The following CDC42SE2 variants were observed in gnomAD, a reference collection of about 807,000 sequenced individuals.
The protein encoded by CDC42SE2 is CDC42 small effector protein 2.
Under a neutral mutation model 11.5 loss-of-function variants are expected in CDC42SE2, and 3 were observed. The observed-to-expected ratio is 0.26, with a 90% CI of 0.12 to 0.67. The LOEUF is 0.67. CDC42SE2 is among the 30% of genes least tolerant of loss of function. The pLI is 0.80. For synonymous variants in CDC42SE2, 33 were observed against 34.8 expected, an observed-to-expected ratio of 0.95 and a Z score of 0.18; for missense variants, 82 against 106.8, an observed-to-expected ratio of 0.77 and a Z score of 1.02.
intron 2 of CDC42SE2, among the ~76,000 whole-genome samples, chr5:131,354,281 T>G (rs1749466433): frequency 1.3e-5 from 2 of 152,102 alleles, no homozygotes; most frequent in Non-Finnish European, 2.9e-5. Flanking sequence ...GATACATGTA[T>G]TATTTAACAA....
chr5:131,253,084 A>T (rs1375949857), intron 1 of CDC42SE2: 1 of 152,248 alleles, frequency 6.6e-6, no homozygotes, highest in South Asian at 2.1e-4. Flanking sequence ...CAGAGTCTGC[A>T]TGTGGCTGCA....
intron 3 of CDC42SE2, among the ~76,000 whole-genome samples, chr5:131,371,239 A>T (rs1336537405): frequency 6.6e-6 from 1 of 152,142 alleles, no homozygotes; most frequent in East Asian, 1.9e-4. Flanking sequence ...TTCAGTTTTC[A>T]TCCTCTCAAA....
intron 3 of CDC42SE2, among the ~76,000 whole-genome samples, chr5:131,372,573 G>C (rs927713530): frequency 6.6e-6 from 1 of 152,032 alleles, no homozygotes; most frequent in Non-Finnish European, 1.5e-5. Context: ...AATTAGCTGG[G>C]TGTGGTGGCA....
At chr5:131,318,593 A>G (rs1758098402) in intron 2 of CDC42SE2, among the ~76,000 whole-genome samples, 1 of 152,216 alleles carries the variant, frequency 6.6e-6, no homozygotes, top group South Asian at 2.1e-4. Flanking sequence ...AGAAGCCAAC[A>G]CTGAGTGAGT....
intron 2 of CDC42SE2, among the ~76,000 whole-genome samples, chr5:131,342,242 T>C (rs184939769): frequency 0.011 from 1,500 of 139,886 alleles, 29 homozygotes; most frequent in African/African-American, 0.038. Flanking sequence ...ATTGTGCCAC[T>C]GCACTCCAGC....
At chr5:131,358,123 G>A (rs1749605255) in intron 2 of CDC42SE2, among the ~76,000 whole-genome samples, 1 of 152,166 alleles carries the variant, frequency 6.6e-6, no homozygotes. Context: ...ATACCGTTTT[G>A]CCTAGAGATC....
intron 2 of CDC42SE2, among the ~76,000 whole-genome samples, chr5:131,334,859 C>T (rs936158963): frequency 5.3e-5 from 8 of 151,930 alleles, no homozygotes; most frequent in Non-Finnish European, 1.0e-4. Context: ...TCTCTCTTTT[C>T]TTCTTTATTA....
At chr5:131,218,281 C>A in the CDC42SE2 span, among the ~76,000 whole-genome samples, 1 of 150,998 alleles carries the variant, frequency 6.6e-6, no homozygotes, top group Non-Finnish European at 1.5e-5. Flanking sequence ...GGCCAATAAA[C>A]CCATGAGAAG....
chr5:131,220,635 A>G, the CDC42SE2 span, among the ~76,000 whole-genome samples: 16 of 152,218 alleles, frequency 1.1e-4, no homozygotes, highest in African/African-American at 3.9e-4. Context: ...GAATGACAGA[A>G]GATAGTACAT....
At chr5:131,270,896 A>T (rs917170398) in intron 1 of CDC42SE2, among the ~76,000 whole-genome samples, 5 of 152,006 alleles carry the variant, frequency 3.3e-5, no homozygotes, top group Non-Finnish European at 5.9e-5. Context: ...TCAGTATGGT[A>T]TTCCTACCAC....
intron 3 of CDC42SE2, among the ~76,000 whole-genome samples, chr5:131,378,545 A>C (rs751001992): frequency 2.2e-4 from 33 of 152,218 alleles, no homozygotes; most frequent in Non-Finnish European, 2.6e-4. Flanking sequence ...AATTTTTTTC[A>C]TGGTGCCTCT....
At chr5:131,227,463 C>T in the CDC42SE2 span, among the ~76,000 whole-genome samples, 4 of 151,894 alleles carry the variant, frequency 2.6e-5, no homozygotes, top group African/African-American at 7.2e-5. Context: ...GGTGAAACCC[C>T]GTCTCTACTA....
At chr5:131,330,289 T>C (rs184887377) in intron 2 of CDC42SE2, among the ~76,000 whole-genome samples, 1 of 152,162 alleles carries the variant, frequency 6.6e-6, no homozygotes, top group African/African-American at 2.4e-5. Context: ...CCTTGTTCTG[T>C]AGTCAAACAA....
At chr5:131,321,086 T>C (rs1580752649) in intron 2 of CDC42SE2, among the ~76,000 whole-genome samples, 2 of 152,184 alleles carry the variant, frequency 1.3e-5, no homozygotes, top group Non-Finnish European at 2.9e-5. Context: ...CTTTAGGAGA[T>C]TGGAAAACAT....
At chr5:131,238,703 G>T in the CDC42SE2 span, among the ~76,000 whole-genome samples, 1 of 151,162 alleles carries the variant, frequency 6.6e-6, no homozygotes, top group Non-Finnish European at 1.5e-5. Context: ...TTTTCTTCAG[G>T]TGTGTATAAT....
chr5:131,273,500 G>A (rs1757036503), intron 1 of CDC42SE2, among the ~76,000 whole-genome samples: 1 of 149,976 alleles, frequency 6.7e-6, no homozygotes, highest in Non-Finnish European at 1.5e-5. Flanking sequence ...GCCAGGCGCG[G>A]TGGCTCATGC....
intron 1 of CDC42SE2, among the ~76,000 whole-genome samples, chr5:131,250,794 C>T (rs1756632961): frequency 6.6e-6 from 1 of 152,132 alleles, no homozygotes; most frequent in African/African-American, 2.4e-5. Context: ...AATCTCAGCA[C>T]TTTGGGAGGT....
chr5:131,267,668 A>G (rs1391611942), intron 1 of CDC42SE2, among the ~76,000 whole-genome samples: 1 of 152,206 alleles, frequency 6.6e-6, no homozygotes, highest in Middle Eastern at 3.2e-3. Flanking sequence ...TTGCCTGTGT[A>G]GATCATGAGA....
At chr5:131,250,225 A>C (rs1367652228) in intron 1 of CDC42SE2, among the ~76,000 whole-genome samples, 1 of 152,238 alleles carries the variant, frequency 6.6e-6, no homozygotes, top group Non-Finnish European at 1.5e-5. Flanking sequence ...AACAACCCAG[A>C]TGCATGCCCA....
Sources: gnomAD v4.1 joint callset for allele counts (sites outside exome capture counted in the v4.1 genomes callset) on GRCh38, gnomAD v4.1.1 for gene constraint, MANE v1.5 for transcripts, NCBI Gene and HGNC (gene_info 2026-07-23, HGNC 2026-07-21) for gene names.